SYT6: variants seen among roughly 807,000 people sequenced by gnomAD.
SYT6 encodes the protein synaptotagmin-6.
A neutral mutation model predicts 38.4 loss-of-function variants in SYT6; 24 were observed. That is an observed-to-expected ratio of 0.62 (90% CI 0.45 to 0.88). SYT6 has a LOEUF of 0.88. Ranked by LOEUF, SYT6 falls within the 40% of genes least tolerant of loss-of-function variation. The pLI is 0.00. For synonymous variants in SYT6, 265 were observed against 241.9 expected, an observed-to-expected ratio of 1.10 and a Z score of -0.89; for missense variants, 611 against 621.0, an observed-to-expected ratio of 0.98 and a Z score of 0.17.
intron 3 of SYT6, among the ~76,000 whole-genome samples, chr1:114,117,648 A>T (rs1677079494): frequency 6.6e-6 from 1 of 152,160 alleles, no homozygotes; most frequent in South Asian, 2.1e-4. Context: ...CAGCGCCTTC[A>T]ATCAGTAGGA....
rs1571803794 is a variant in SYT6 at position 114,091,927 on chromosome 1, G to A, written c.*207C>T. ...GACGGCTGCCGCTGCTGCCGCCACT[G>A]CGACTGCACAACACTGTTTAGACGG... is the stretch of plus-strand genomic sequence containing the variant. On this transcript the variant is annotated 3_prime_UTR_variant, in exon 8 of 8. Transcript: ENST00000610222. The A allele has an allele frequency of 2.3e-5, 33 of 1,423,958 alleles. No individual in the cohort carries two copies. The highest frequency in any genetic ancestry group is 3.1e-5 in the Non-Finnish European group (33 of 1,048,934). The allele number at this position is 1,423,958 out of a possible 1,614,324, so 88.2% of individuals were successfully genotyped here.
chr1:114,137,422 G>A, intron 3 of SYT6, 73 bp downstream of exon 3: 2 of 1,512,754 alleles, frequency 1.3e-6, no homozygotes, highest in Non-Finnish European at 1.8e-6. Flanking sequence ...TAGGAAGTGA[G>A]GGTTTGGGGA....
At chr1:114,103,855 A>G in intron 3 of SYT6, 134 bp from the exon 4 acceptor site, 5 of 1,152,806 alleles carry the variant, frequency 4.3e-6, no homozygotes, top group Non-Finnish European at 6.0e-6. Flanking sequence ...TTTAAGACTA[A>G]GGGACTGGCC....
intron 3 of SYT6, among the ~76,000 whole-genome samples, chr1:114,111,919 C>T (rs1448635644): frequency 6.6e-6 from 1 of 152,128 alleles, no homozygotes; most frequent in Non-Finnish European, 1.5e-5. Context: ...GCCTGGGTGA[C>T]GTGAGTTGAT....
intron 1 of SYT6, among the ~76,000 whole-genome samples, chr1:114,143,909 G>T (rs1679012390): frequency 1.4e-5 from 2 of 147,944 alleles, no homozygotes; most frequent in Admixed American, 1.4e-4. Context: ...TTATTAAGCA[G>T]ACCTCCCATC....
At chr1:114,128,579 A>C (rs1350190366) in intron 3 of SYT6, among the ~76,000 whole-genome samples, 7 of 152,028 alleles carry the variant, frequency 4.6e-5, no homozygotes, top group African/African-American at 1.7e-4. Flanking sequence ...GATCTTCCCC[A>C]CTCGGGTTCC....
At chr1:114,153,584 G>T in intron 1 of SYT6, 26 bp downstream of exon 1, 1 of 582,670 alleles carries the variant, frequency 1.7e-6, no homozygotes, top group Non-Finnish European at 3.1e-6. Context: ...ATCCAGGAAG[G>T]GAGGGGGCCC....
intron 3 of SYT6, among the ~76,000 whole-genome samples, chr1:114,106,225 T>C (rs574779025): frequency 1.3e-5 from 2 of 152,118 alleles, no homozygotes; most frequent in South Asian, 4.1e-4. Context: ...TTACTGAAAC[T>C]CTTTAGATTC....
chr1:114,137,474 A>G lies in SYT6; in HGVS notation c.1071+21T>C, dbSNP rs764502598. ...CAGAACCACAAATCCTCAAGAAGCC[A>G]AGGAACAGGGCTGTACTTACACTTG... On this transcript the variant is annotated intron_variant, in intron 3 of 7. Transcript: ENST00000610222. The G allele has an allele frequency of 1.7e-5, 27 of 1,593,762 alleles. No homozygotes were observed. The East Asian group carries it at 5.6e-4, about 33-fold the overall frequency.
chr1:114,117,706 C>T (rs949173011), intron 3 of SYT6, among the ~76,000 whole-genome samples: 6 of 152,150 alleles, frequency 3.9e-5, no homozygotes, highest in Admixed American at 1.3e-4. Context: ...CAGATGTTCC[C>T]AGTAAGAGAA....
In SYT6 at chr1:114,100,594, T is replaced by C. The variant is rs542833779; in HGVS notation, c.1193-1329A>G. 2.0e-5 allele frequency among the ~76,000 whole-genome samples: 3 copies of C among 152,192 alleles called. No individual in the cohort carries two copies. The East Asian group carries it at 5.8e-4, about 29-fold the overall frequency. On this transcript the variant is annotated intron_variant, in intron 4 of 7. Coordinates refer to ENST00000610222, the MANE Select transcript of SYT6 (RefSeq NM_001253772.2). Reference sequence around the variant, plus strand: ...ATGCCTTAACCATGGGGAGATGAGGTTGGGTTTATGGAGAGACCATGAGGT... The same window carrying C: ...ATGCCTTAACCATGGGGAGATGAGGCTGGGTTTATGGAGAGACCATGAGGT...
At chr1:114,106,625 T>C (rs729300) in intron 3 of SYT6, among the ~76,000 whole-genome samples, 101,635 of 151,894 alleles carry the variant, frequency 0.67, 34,240 homozygotes, top group African/African-American at 0.73. Flanking sequence ...CTGCTCCACA[T>C]GGCTGGTATA....
chr1:114,101,772 C>T (rs1393710139), intron 4 of SYT6, among the ~76,000 whole-genome samples: 2 of 152,184 alleles, frequency 1.3e-5, no homozygotes, highest in African/African-American at 2.4e-5. Context: ...CACTGCTTCA[C>T]CCTTGGGCCA....
chr1:114,151,900 C>T (rs1435396577), intron 1 of SYT6, among the ~76,000 whole-genome samples: 1 of 152,160 alleles, frequency 6.6e-6, no homozygotes, highest in African/African-American at 2.4e-5. Context: ...TCCCCAACCT[C>T]CATCTCTGTA....
intron 3 of SYT6, among the ~76,000 whole-genome samples, chr1:114,105,138 GA>G (rs1312073235): frequency 6.6e-6 from 1 of 152,162 alleles, no homozygotes; most frequent in Non-Finnish European, 1.5e-5. Flanking sequence ...CAGAGAAGTG[GA>G]ATATAAAATG....
chr1:114,109,968 G>T (rs777697189), intron 3 of SYT6, among the ~76,000 whole-genome samples: 1 of 152,208 alleles, frequency 6.6e-6, no homozygotes, highest in Non-Finnish European at 1.5e-5. Flanking sequence ...AGTGTTCGGG[G>T]CGCATGAGAG....
At chr1:114,118,618 G>A (rs1677153606) in intron 3 of SYT6, among the ~76,000 whole-genome samples, 1 of 152,214 alleles carries the variant, frequency 6.6e-6, no homozygotes, top group Non-Finnish European at 1.5e-5. Flanking sequence ...TGTCCCTGGG[G>A]CTCCTGCTGC....
At chr1:114,119,186 A>T (rs1356481807) in intron 3 of SYT6, among the ~76,000 whole-genome samples, 1 of 152,204 alleles carries the variant, frequency 6.6e-6, no homozygotes, top group Admixed American at 6.5e-5. Flanking sequence ...TGTTCATTTC[A>T]CATATCAGAA....
chr1:114,131,603 C>T (rs1678158990), intron 3 of SYT6, among the ~76,000 whole-genome samples: 1 of 152,182 alleles, frequency 6.6e-6, no homozygotes, highest in African/African-American at 2.4e-5. Context: ...CACAGGGCAT[C>T]CCCTACAGTC....
Sources: allele counts gnomAD v4.1 joint callset (sites outside exome capture counted in the v4.1 genomes callset), GRCh38; gene constraint gnomAD v4.1.1; transcripts MANE v1.5; gene names NCBI Gene and HGNC (gene_info 2026-07-23, HGNC 2026-07-21).